XKR6: variants seen among roughly 807,000 people sequenced by gnomAD.
The protein encoded by XKR6 is XK related 6, also known as XK-related protein 6.
Under a neutral mutation model 56.7 loss-of-function variants are expected in XKR6, and 22 were observed. The observed-to-expected ratio is 0.39, with a 90% CI of 0.28 to 0.55. XKR6 has a LOEUF of 0.55. XKR6 is among the 20% of genes least tolerant of loss of function. The probability of loss-of-function intolerance (pLI) is 0.66; values close to 1 mark genes in which losing one functional copy is unlikely to be tolerated. For missense variants in XKR6, 852 were observed against 889.0 expected, an observed-to-expected ratio of 0.96 and a Z score of 0.53; for synonymous variants, 524 against 387.8, an observed-to-expected ratio of 1.35 and a Z score of -4.13.
At chr8:11,044,991 C>G (rs12543158) in intron 1 of XKR6, among the ~76,000 whole-genome samples, 16 of 146,856 alleles carry the variant, frequency 1.1e-4, no homozygotes, top group East Asian at 2.1e-4. Context: ...CAACATCTTT[C>G]TAAGCTCAAC....
chr8:11,061,357 T>C (rs1799828959), intron 1 of XKR6, among the ~76,000 whole-genome samples: 1 of 151,972 alleles, frequency 6.6e-6, no homozygotes, highest in African/African-American at 2.4e-5. Context: ...TCCCAGCTAC[T>C]GTGGAGGCTG....
At chr8:10,906,678 T>A (rs1478334365) in intron 2 of XKR6, among the ~76,000 whole-genome samples, 1 of 152,244 alleles carries the variant, frequency 6.6e-6, no homozygotes, top group Non-Finnish European at 1.5e-5. Context: ...GTGATCCAGA[T>A]GTGAGGTTTC....
chr8:11,044,297 A>T, intron 1 of XKR6, among the ~76,000 whole-genome samples: 1 of 152,222 alleles, frequency 6.6e-6, no homozygotes, highest in East Asian at 1.9e-4. Flanking sequence ...TTTGCTTACT[A>T]TGCGTGCATG....
At chr8:11,019,407 G>A (rs1464227771) in intron 1 of XKR6, among the ~76,000 whole-genome samples, 3 of 152,198 alleles carry the variant, frequency 2.0e-5, no homozygotes, top group African/African-American at 4.8e-5. Context: ...TCTGGACTTC[G>A]GGACCACCCA....
rs1439777662 is a variant in XKR6, at chr8:11,086,150, T to TATATATATATATATA, written c.764+114425_764+114426insTATATATATATATAT. Among the ~76,000 whole-genome samples the TATATATATATATATA allele has an allele frequency of 3.5e-3, 399 of 112,714 alleles. 1 individual carries two copies. Among genetic ancestry groups the TATATATATATATATA allele is most frequent in the African/African-American group, 0.016 (379 of 22,974 alleles). 73.9% of individuals were successfully genotyped at this position (112,714 alleles called of 152,430 possible). A position where few individuals can be genotyped will look rare whatever the true frequency, so the allele number is the denominator to read the frequency against. On this transcript the variant is annotated intron_variant, in intron 1 of 2. Coordinates refer to ENST00000416569, the MANE Select transcript of XKR6 (RefSeq NM_173683.4). ...AAAAAGAAAATATATATATATATAT[T>TATATATATATATATA]TTTTTTTAAAAAAAACAAGCATAAT...
intron 1 of XKR6, among the ~76,000 whole-genome samples, chr8:11,043,102 G>A (rs2409684): frequency 1.3e-5 from 2 of 152,174 alleles, no homozygotes; most frequent in East Asian, 1.9e-4. Context: ...AACACGCAGG[G>A]CTCCCTAGGA....
At chr8:10,976,588 G>A (rs992600042) in intron 1 of XKR6, among the ~76,000 whole-genome samples, 1 of 152,192 alleles carries the variant, frequency 6.6e-6, no homozygotes, top group Non-Finnish European at 1.5e-5. Context: ...TGTGCCAAAC[G>A]ATGGTCACAG....
intron 1 of XKR6, among the ~76,000 whole-genome samples, chr8:10,975,487 G>A (rs548799261): frequency 2.3e-4 from 35 of 152,378 alleles, no homozygotes; most frequent in African/African-American, 5.5e-4. Flanking sequence ...TGCCCACTGC[G>A]AGAGTTTCCA....
intron 1 of XKR6, among the ~76,000 whole-genome samples, chr8:11,005,166 C>T (rs899253978): frequency 7.5e-6 from 1 of 133,534 alleles, no homozygotes; most frequent in South Asian, 2.4e-4. Context: ...AGCATACATA[C>T]GTGGAACAAA....
At chr8:11,033,245 C>T (rs573478692) in intron 1 of XKR6, among the ~76,000 whole-genome samples, 1 of 146,612 alleles carries the variant, frequency 6.8e-6, no homozygotes, top group East Asian at 2.0e-4. Flanking sequence ...GTGGTGGTGA[C>T]AGTGGAGATG....
rs934784500 is a variant in XKR6 at position 11,022,891 on chromosome 8, C to T, written c.765-98061G>A. On this transcript the variant is annotated intron_variant, in intron 1 of 2. Transcript: ENST00000416569. ...TCAGGCACCTGTGTAAGGTCCTCCA[C>T]GTCCCAGGGCAGGAGGCCCGGGGCT... Among the ~76,000 whole-genome samples, 6 of 152,308 alleles carry T rather than the reference C, an allele frequency of 3.9e-5. No homozygotes were observed. The East Asian group carries it at 9.7e-4, about 25-fold the overall frequency.
At chr8:10,950,259 C>A (rs1387053669) in intron 1 of XKR6, among the ~76,000 whole-genome samples, 1 of 152,218 alleles carries the variant, frequency 6.6e-6, no homozygotes, top group Non-Finnish European at 1.5e-5. Flanking sequence ...CTCCTCTGTG[C>A]TCCCAGCCCC....
At chr8:11,186,810 A>G (rs1034823112) in intron 1 of XKR6, among the ~76,000 whole-genome samples, 3 of 152,180 alleles carry the variant, frequency 2.0e-5, no homozygotes, top group Non-Finnish European at 4.4e-5. Context: ...GACAAACAAT[A>G]CTGTTCTACT....
intron 1 of XKR6, among the ~76,000 whole-genome samples, chr8:10,992,962 T>A (rs1033887788): frequency 2.4e-4 from 36 of 152,336 alleles, no homozygotes; most frequent in African/African-American, 7.7e-4. Context: ...CCTTTCCCAA[T>A]GACTGGATTC....
rs1292652326 is a variant in XKR6 at position 10,961,114 on chromosome 8, G to A, written c.765-36284C>T. On this transcript the variant is annotated intron_variant, in intron 1 of 2. Coordinates refer to ENST00000416569, the MANE Select transcript of XKR6 (RefSeq NM_173683.4). ...AGGCAGGGACAGAGCATGAGGCAGAGAGAGGGTGGAGGGGAAGGCTGTGAG... is the reference window on the plus strand; with the variant it reads ...AGGCAGGGACAGAGCATGAGGCAGAAAGAGGGTGGAGGGGAAGGCTGTGAG... Among the ~76,000 whole-genome samples the A allele has an allele frequency of 2.0e-5, 3 of 152,204 alleles. No homozygotes were observed. The East Asian group carries it at 5.8e-4, about 29-fold the overall frequency.
At chr8:10,913,583 C>T (rs1024299777) in intron 2 of XKR6, among the ~76,000 whole-genome samples, 3 of 152,334 alleles carry the variant, frequency 2.0e-5, no homozygotes, top group East Asian at 3.9e-4. Flanking sequence ...CCTAACACCC[C>T]TCTGCGATAG....
chr8:10,980,150 C>T (rs979949746), intron 1 of XKR6, among the ~76,000 whole-genome samples: 8 of 152,166 alleles, frequency 5.3e-5, no homozygotes, highest in East Asian at 3.9e-4. Flanking sequence ...GAAGGGGGAA[C>T]GTCTGAGCTT....
At chr8:10,960,971 G>A (rs1192372946) in intron 1 of XKR6, among the ~76,000 whole-genome samples, 1 of 152,200 alleles carries the variant, frequency 6.6e-6, no homozygotes, top group Non-Finnish European at 1.5e-5. Flanking sequence ...CTGGCTAGAT[G>A]GGGTAGGGCC....
At chr8:10,961,570 G>C (rs2129130711) in intron 1 of XKR6, among the ~76,000 whole-genome samples, 1 of 152,310 alleles carries the variant, frequency 6.6e-6, no homozygotes, top group African/African-American at 2.4e-5. Flanking sequence ...AGAAATTCAG[G>C]ACTATCTTTT....
Sources: allele counts gnomAD v4.1 joint callset (sites outside exome capture counted in the v4.1 genomes callset), GRCh38; gene constraint gnomAD v4.1.1; transcripts MANE v1.5; gene names NCBI Gene and HGNC (gene_info 2026-07-23, HGNC 2026-07-21).